The following OCIAD2 variants were observed in gnomAD, a reference collection of about 807,000 sequenced individuals.
OCIAD2 encodes OCIA domain-containing protein 2.
Under a neutral mutation model 22.9 loss-of-function variants are expected in OCIAD2, and 29 were observed. That is an observed-to-expected ratio of 1.27 (90% CI 0.94 to 1.73). OCIAD2 has a LOEUF of 1.73. Among genes scored for constraint, OCIAD2 ranks in the 40% most tolerant of loss-of-function variants. OCIAD2 has a pLI of 0.00. For synonymous variants in OCIAD2, 67 were observed against 60.2 expected, an observed-to-expected ratio of 1.11 and a Z score of -0.52; for missense variants, 189 against 180.3, an observed-to-expected ratio of 1.05 and a Z score of -0.28.
In OCIAD2 at chr4:48,885,145, C is replaced by T. The variant is rs375454928; in HGVS notation, c.*339G>A. The T allele has an allele frequency of 7.1e-5, 13 of 182,690 alleles. No individual in the cohort carries two copies. Among genetic ancestry groups the T allele is most frequent in the South Asian group, 2.5e-4 (2 of 8,148 alleles). The allele number at this position is 182,690 out of a possible 1,614,324, so 11.3% of individuals were successfully genotyped here. Reference sequence around the variant, plus strand: ...CTGGGATTACAGGCATGTGCCACCACGCCTGGCTAATTTTTATATTTTTAG... The same window carrying T: ...CTGGGATTACAGGCATGTGCCACCATGCCTGGCTAATTTTTATATTTTTAG... On this transcript the variant is annotated 3_prime_UTR_variant, in exon 7 of 7. Transcript: ENST00000508632.
chr4:48,900,004 G>T, intron 2 of OCIAD2, 79 bp from the exon 3 acceptor site: 1 of 1,007,220 alleles, frequency 9.9e-7, no homozygotes, highest in African/African-American at 1.6e-5. Context: ...AGAGAACAGG[G>T]AGGTCTCTTC....
At chr4:48,885,806 T>C (rs1054765728) in intron 6 of OCIAD2, among the ~76,000 whole-genome samples, 4 of 152,170 alleles carry the variant, frequency 2.6e-5, no homozygotes, top group Non-Finnish European at 4.4e-5. Flanking sequence ...ATTAGAAATA[T>C]AGTCTATGCT....
chr4:48,900,638 G>GTT (rs5858133), intron 2 of OCIAD2, among the ~76,000 whole-genome samples: 1 of 124,720 alleles, frequency 8.0e-6, no homozygotes, highest in African/African-American at 2.9e-5. Context: ...GTTCTGCAGT[G>GTT]TTTTTTTTTT....
rs56077860 is a variant in OCIAD2 at position 48,891,372 on chromosome 4, G to T, written c.383+1400C>A. On this transcript the variant is annotated intron_variant, in intron 6 of 6. Transcript: ENST00000508632. ...ATTGCCTCTCAGATTTGCTGGTAAT[G>T]GCCCTTCACATAGGGCATAGCAATT... Among the ~76,000 whole-genome samples the T allele has an allele frequency of 3.1e-3, 476 of 152,248 alleles. 1 individual carries two copies. The highest frequency in any genetic ancestry group is 0.011 in the African/African-American group (446 of 41,530).
chr4:48,898,063 C>T (rs990648905), intron 3 of OCIAD2, among the ~76,000 whole-genome samples: 3 of 152,222 alleles, frequency 2.0e-5, no homozygotes, highest in Non-Finnish European at 4.4e-5. Context: ...TACCCTGAGG[C>T]ACAGCATTAA....
intron 6 of OCIAD2, among the ~76,000 whole-genome samples, chr4:48,889,102 C>T (rs1781083689): frequency 6.6e-6 from 1 of 152,158 alleles, no homozygotes; most frequent in East Asian, 1.9e-4. Context: ...TCCATTTCTT[C>T]TAGATTTTCT....
intron 6 of OCIAD2, among the ~76,000 whole-genome samples, chr4:48,891,836 T>C (rs2109670612): frequency 1.3e-5 from 2 of 152,134 alleles, no homozygotes; most frequent in Middle Eastern, 6.8e-3. Flanking sequence ...AGAGTAAGGG[T>C]TTGGAAAACA....
chr4:48,889,668 G>C (rs904140144), intron 6 of OCIAD2, among the ~76,000 whole-genome samples: 14 of 152,156 alleles, frequency 9.2e-5, no homozygotes, highest in African/African-American at 9.6e-5. Flanking sequence ...GGACTGTAAA[G>C]TAGTTCAACC....
chr4:48,889,437 G>A (rs186849183), intron 6 of OCIAD2, among the ~76,000 whole-genome samples: 4 of 152,280 alleles, frequency 2.6e-5, no homozygotes, highest in African/African-American at 9.6e-5. Context: ...CCATCAAAAA[G>A]TGGGCAAAGG....
At chr4:48,904,456 G>C (rs1205662637) in intron 2 of OCIAD2, 28 bp downstream of exon 2, 1 of 1,597,132 alleles carries the variant, frequency 6.3e-7, no homozygotes, top group East Asian at 2.2e-5. Context: ...CTCAATCAAT[G>C]AATCGATCAA....
intron 3 of OCIAD2, 121 bp downstream of exon 3, chr4:48,899,708 T>C: frequency 3.0e-6 from 2 of 674,676 alleles, no homozygotes; most frequent in Admixed American, 2.9e-5. Flanking sequence ...TAAACATCCC[T>C]GAATATCAGA....
In OCIAD2 at chr4:48,904,598, C is replaced by T. The variant is rs746046733; in HGVS notation, c.-49G>A. 63 of 1,539,002 alleles carry T rather than the reference C, an allele frequency of 4.1e-5. No individual in the cohort carries two copies. The highest frequency in any genetic ancestry group is 1.2e-4 in the Admixed American group (7 of 59,922). On this transcript the variant is annotated 5_prime_UTR_variant, in exon 2 of 7. Coordinates refer to ENST00000508632, the MANE Select transcript of OCIAD2 (RefSeq NM_001014446.3). ...TCCAGTTGTTTATCCTCTGCTTACT[C>T]CTTGACCCAGTGTCTAAGGAAGGTA...
chr4:48,905,818 G>A (rs2354948), intron 1 of OCIAD2, among the ~76,000 whole-genome samples: 132,724 of 152,202 alleles, frequency 0.87, 58,119 homozygotes, highest in East Asian at 0.97. Context: ...ACTGGGGTCA[G>A]AGAGACCAGA....
chr4:48,889,893 T>C (rs938035241), intron 6 of OCIAD2, among the ~76,000 whole-genome samples: 3 of 152,138 alleles, frequency 2.0e-5, no homozygotes, highest in Non-Finnish European at 4.4e-5. Flanking sequence ...TAAGAAAATG[T>C]GGCACATATA....
intron 6 of OCIAD2, among the ~76,000 whole-genome samples, chr4:48,887,249 A>C (rs1370226913): frequency 2.0e-5 from 3 of 152,162 alleles, no homozygotes; most frequent in African/African-American, 4.8e-5. Flanking sequence ...CCTTTGTCAG[A>C]TGAGTAGGTT....
intron 6 of OCIAD2, 80 bp downstream of exon 6, chr4:48,892,692 T>C: frequency 1.5e-6 from 1 of 681,648 alleles, no homozygotes; most frequent in Non-Finnish European, 2.3e-6. Flanking sequence ...AAATTGTGTT[T>C]AATATTATAA....
intron 2 of OCIAD2, among the ~76,000 whole-genome samples, chr4:48,904,221 A>G (rs749716794): frequency 6.6e-6 from 1 of 152,046 alleles, no homozygotes; most frequent in African/African-American, 2.4e-5. Context: ...GCAGGCCTAG[A>G]TAGGAGGATT....
At chr4:48,895,998 C>T (rs1057113468) in intron 4 of OCIAD2, among the ~76,000 whole-genome samples, 26 of 152,132 alleles carry the variant, frequency 1.7e-4, no homozygotes, top group Admixed American at 3.9e-4. Context: ...CACCACTGCA[C>T]TCCAGCCGGA....
intron 6 of OCIAD2, among the ~76,000 whole-genome samples, chr4:48,887,199 G>A (rs1781015110): frequency 6.6e-6 from 1 of 151,914 alleles, no homozygotes; most frequent in Admixed American, 6.6e-5. Context: ...TTTTTTTCTT[G>A]TAAATTTGTT....
Sources: allele counts gnomAD v4.1 joint callset (sites outside exome capture counted in the v4.1 genomes callset), GRCh38; gene constraint gnomAD v4.1.1; transcripts MANE v1.5; gene names NCBI Gene and HGNC (gene_info 2026-07-23, HGNC 2026-07-21).